TMEM132D: variants seen among roughly 807,000 people sequenced by gnomAD.
TMEM132D encodes the protein mature OL transmembrane protein.
In TMEM132D, 21 loss-of-function variants were observed where a neutral mutation model predicts 62.3. The ratio of observed to expected loss-of-function variants is 0.34; its 90% confidence interval spans 0.24 to 0.49. TMEM132D has a LOEUF of 0.49. Ranked by LOEUF, TMEM132D falls within the 20% of genes least tolerant of loss-of-function variation. TMEM132D has a pLI of 0.99. For synonymous variants in TMEM132D, 621 were observed against 575.6 expected, an observed-to-expected ratio of 1.08 and a Z score of -1.13; for missense variants, 1,346 against 1,402.8, an observed-to-expected ratio of 0.96 and a Z score of 0.65.
chr12:129,775,142 A>G (rs1015131088), intron 1 of TMEM132D, among the ~76,000 whole-genome samples: 1 of 152,224 alleles, frequency 6.6e-6, no homozygotes, highest in Non-Finnish European at 1.5e-5. Context: ...TAATAATCTA[A>G]AGAGGAAAAG....
chr12:129,702,352 T>C (rs960413450), intron 1 of TMEM132D, among the ~76,000 whole-genome samples: 3 of 152,132 alleles, frequency 2.0e-5, no homozygotes, highest in Non-Finnish European at 4.4e-5. Context: ...ATCATAGATA[T>C]AAAAAGGGAC....
At chr12:129,461,149 G>A (rs1873654324) in intron 3 of TMEM132D, among the ~76,000 whole-genome samples, 1 of 152,218 alleles carries the variant, frequency 6.6e-6, no homozygotes, top group African/African-American at 2.4e-5. Context: ...AAGAGTAGAG[G>A]TGCAGAAGGA....
At chr12:129,243,634 G>A (rs1301390676) in intron 4 of TMEM132D, among the ~76,000 whole-genome samples, 2 of 151,912 alleles carry the variant, frequency 1.3e-5, no homozygotes, top group Non-Finnish European at 2.9e-5. Flanking sequence ...CCTAACACAG[G>A]GCTTCATCTC....
intron 3 of TMEM132D, among the ~76,000 whole-genome samples, chr12:129,528,484 T>C (rs1593052376): frequency 6.6e-6 from 1 of 150,436 alleles, no homozygotes; most frequent in African/African-American, 2.4e-5. Flanking sequence ...CTGTAAAAAG[T>C]AATTTACATT....
At chr12:129,606,956 A>G (rs1291389906) in intron 2 of TMEM132D, among the ~76,000 whole-genome samples, 1 of 152,138 alleles carries the variant, frequency 6.6e-6, no homozygotes, top group Non-Finnish European at 1.5e-5. Context: ...TCCAACGAAC[A>G]TTTATTATGC....
chr12:129,686,994 T>C (rs1351885081), intron 2 of TMEM132D, among the ~76,000 whole-genome samples: 1 of 152,192 alleles, frequency 6.6e-6, no homozygotes, highest in Non-Finnish European at 1.5e-5. Context: ...GCTAGCCTCC[T>C]TTAAGGTTCC....
chr12:129,358,608 A>G (rs1474582981), intron 3 of TMEM132D, among the ~76,000 whole-genome samples: 2 of 152,220 alleles, frequency 1.3e-5, no homozygotes, highest in South Asian at 2.1e-4. Context: ...GGAGGTGGAC[A>G]TTAAATAAAC....
chr12:129,771,779 C>T (rs10744432), intron 1 of TMEM132D, among the ~76,000 whole-genome samples: 104,219 of 152,174 alleles, frequency 0.68, 36,715 homozygotes, highest in Middle Eastern at 0.81. Flanking sequence ...TCTCTGATGA[C>T]GAGAATTCAG....
chr12:129,897,454 CCTA>C (rs1387955946), intron 1 of TMEM132D, among the ~76,000 whole-genome samples: 5 of 152,092 alleles, frequency 3.3e-5, no homozygotes, highest in African/African-American at 4.8e-5. Flanking sequence ...TGCCCAGGAC[CCTA>C]CACATGTTAG....
chr12:129,876,936 T>G (rs1287967346), intron 1 of TMEM132D, among the ~76,000 whole-genome samples: 1 of 152,148 alleles, frequency 6.6e-6, no homozygotes, highest in African/African-American at 2.4e-5. Flanking sequence ...AACCTCACTA[T>G]ATGAACTGAT....
At chr12:129,265,983 C>T (rs1181002209) in intron 4 of TMEM132D, among the ~76,000 whole-genome samples, 1 of 152,108 alleles carries the variant, frequency 6.6e-6, no homozygotes, top group African/African-American at 2.4e-5. Flanking sequence ...TACTGCCTGG[C>T]TTGGCATGTA....
At chr12:129,865,675 A>C (rs1874036974) in intron 1 of TMEM132D, among the ~76,000 whole-genome samples, 1 of 150,978 alleles carries the variant, frequency 6.6e-6, no homozygotes, top group Admixed American at 6.6e-5. Context: ...TCAGTCTGAC[A>C]CACGGAATAT....
intron 1 of TMEM132D, among the ~76,000 whole-genome samples, chr12:129,756,977 T>C (rs1870188107): frequency 6.6e-6 from 1 of 152,178 alleles, no homozygotes; most frequent in South Asian, 2.1e-4. Flanking sequence ...AGCCTTCCCA[T>C]GCCACCTTTC....
intron 2 of TMEM132D, among the ~76,000 whole-genome samples, chr12:129,663,850 C>T (rs1405961585): frequency 1.3e-5 from 2 of 152,150 alleles, no homozygotes; most frequent in Non-Finnish European, 2.9e-5. Flanking sequence ...GGAGAAAAAC[C>T]TTCTCCATGT....
intron 3 of TMEM132D, among the ~76,000 whole-genome samples, chr12:129,508,627 G>T (rs1220732831): frequency 6.6e-6 from 1 of 151,936 alleles, no homozygotes; most frequent in African/African-American, 2.4e-5. Context: ...CCATAAAGAG[G>T]AAATAAGAAT....
intron 3 of TMEM132D, among the ~76,000 whole-genome samples, chr12:129,434,790 C>G (rs903670198): frequency 6.6e-6 from 1 of 152,056 alleles, no homozygotes; most frequent in African/African-American, 2.4e-5. Flanking sequence ...TATCCATCAC[C>G]CCAAACATTT....
chr12:129,564,119 T>C (rs1248451110), intron 2 of TMEM132D, among the ~76,000 whole-genome samples: 1 of 152,186 alleles, frequency 6.6e-6, no homozygotes, highest in East Asian at 1.9e-4. Flanking sequence ...AGTGAGCACC[T>C]AGCTGACCTG....
At chr12:129,253,002 TG>T (rs1476319641) in intron 4 of TMEM132D, among the ~76,000 whole-genome samples, 6 of 123,752 alleles carry the variant, frequency 4.8e-5, no homozygotes, top group African/African-American at 1.9e-4. Context: ...TGATAACACA[TG>T]GACACAGGAA....
At chr12:129,394,628 C>T (rs184350386) in intron 3 of TMEM132D, among the ~76,000 whole-genome samples, 3 of 152,354 alleles carry the variant, frequency 2.0e-5, no homozygotes, top group Admixed American at 6.5e-5. Flanking sequence ...GGTCTAGCCG[C>T]GTAGACGCTG....
Sources: allele counts gnomAD v4.1 joint callset (sites outside exome capture counted in the v4.1 genomes callset), GRCh38; gene constraint gnomAD v4.1.1; transcripts MANE v1.5; gene names NCBI Gene and HGNC (gene_info 2026-07-23, HGNC 2026-07-21).